The following SORBS2 variants were observed in gnomAD, a reference collection of about 807,000 sequenced individuals.
SORBS2 encodes sorbin and SH3 domain containing 2.
A neutral mutation model predicts 97.7 loss-of-function variants in SORBS2; 46 were observed. That is an observed-to-expected ratio of 0.47 (90% CI 0.37 to 0.60). The LOEUF is 0.60. Among genes scored for constraint, SORBS2 ranks in the 20% least tolerant of loss-of-function variants. The pLI, the probability that SORBS2 is intolerant of heterozygous loss-of-function variation, is 0.00. For synonymous variants in SORBS2, 476 were observed against 473.4 expected (o/e 1.01, Z -0.07); for missense variants, 1,316 against 1,282.3 (o/e 1.03, Z -0.40).
chr4:185,854,493 A>G (rs927597743), intron 1 of SORBS2, among the ~76,000 whole-genome samples: 3 of 152,212 alleles, frequency 2.0e-5, no homozygotes, highest in Non-Finnish European at 4.4e-5. Context: ...TGTAATTCAC[A>G]TATGGGATAT....
chr4:185,759,996 G>A (rs955539472), intron 2 of SORBS2, among the ~76,000 whole-genome samples: 3 of 152,064 alleles, frequency 2.0e-5, no homozygotes, highest in Admixed American at 6.6e-5. Flanking sequence ...AATTTCCATC[G>A]TAGACTCCAC....
intron 2 of SORBS2, among the ~76,000 whole-genome samples, chr4:185,710,605 A>G (rs1244896120): frequency 6.6e-6 from 1 of 152,166 alleles, no homozygotes; most frequent in Admixed American, 6.5e-5. Context: ...TGTTATGGTC[A>G]TTAGATTCTA....
At chr4:185,626,893 T>C in exon 6 of SORBS2, 1 of 1,614,250 alleles carries the variant, frequency 6.2e-7, no homozygotes, top group South Asian at 1.1e-5. Flanking sequence ...GAGTGGTGCT[T>C]GATCCTGGGA....
At chr4:185,780,007 ATTTTTTT>A (rs538693770) in intron 1 of SORBS2, among the ~76,000 whole-genome samples, 83 of 98,116 alleles carry the variant, frequency 8.5e-4, no homozygotes, top group African/African-American at 2.8e-3. Context: ...GTAGAGTAAC[ATTTTTTT>A]TTTTTTTTTT....
At position 185,793,730 on chromosome 4, in the gene SORBS2, G is replaced by A. The variant is rs556886021; in HGVS notation, c.-337-18364C>T. Among the ~76,000 whole-genome samples the A allele has an allele frequency of 2.6e-5, 4 of 152,198 alleles. No individual in the cohort carries two copies. In the South Asian group the frequency reaches 8.3e-4, roughly 32 times the overall value. On this transcript the variant is annotated intron_variant, in intron 1 of 20. Transcript: ENST00000284776. Reference sequence around the variant, plus strand: ...GGGGATTTTTTTTATTGATGATGAAGTTATTATGGACTGAGAGCCAGTTAT... The same window carrying A: ...GGGGATTTTTTTTATTGATGATGAAATTATTATGGACTGAGAGCCAGTTAT...
chr4:185,887,846 T>C (rs1370565026), intron 1 of SORBS2, among the ~76,000 whole-genome samples: 1 of 152,130 alleles, frequency 6.6e-6, no homozygotes, highest in Non-Finnish European at 1.5e-5. Context: ...CAATTTATTA[T>C]CTGTAATTTT....
At chr4:185,761,585 T>C (rs963773900) in intron 2 of SORBS2, 1 of 152,220 alleles carries the variant, frequency 6.6e-6, no homozygotes, top group African/African-American at 2.4e-5. Flanking sequence ...AAATGATTGT[T>C]GTGCTTATTA....
rs1554199361 is a variant in SORBS2, at chr4:185,709,304, C to CCTTTTTTTTTTTTTTTTTTTTTTTTT, written c.-197-30483_-197-30482insAAAAAAAAAAAAAAAAAAAAAAAAAG. On this transcript the variant is annotated intron_variant, in intron 2 of 20. Coordinates refer to the SORBS2 transcript ENST00000284776. ...GCATGAGCCGCTGTGCTGGCCAAAT[C>CCTTTTTTTTTTTTTTTTTTTTTTTTT]TTTTTTTTTTTTTTTTTTTTAGTAA... Among the ~76,000 whole-genome samples the CCTTTTTTTTTTTTTTTTTTTTTTTTT allele has an allele frequency of 1.1e-4, 11 of 96,774 alleles. 3 individuals carry two copies. Among genetic ancestry groups the CCTTTTTTTTTTTTTTTTTTTTTTTTT allele is most frequent in the Non-Finnish European group, 1.4e-4 (7 of 49,226 alleles). 63.5% of individuals were successfully genotyped at this position (96,774 alleles called of 152,430 possible).
chr4:185,660,774 C>A (rs1199510485), upstream of SORBS2, among the ~76,000 whole-genome samples: 6 of 152,082 alleles, frequency 3.9e-5, no homozygotes, highest in East Asian at 1.2e-3. Context: ...GTTGCTGGCC[C>A]CTGTGGCCAG....
chr4:185,796,920 G>T (rs1479233857), intron 1 of SORBS2, among the ~76,000 whole-genome samples: 1 of 145,364 alleles, frequency 6.9e-6, no homozygotes, highest in African/African-American at 2.6e-5. Flanking sequence ...CTGTGGCCAC[G>T]CTGTTCCCTG....
intron 1 of SORBS2, among the ~76,000 whole-genome samples, chr4:185,879,170 C>CCCT (rs2099235441): frequency 3.0e-5 from 3 of 98,756 alleles, no homozygotes; most frequent in African/African-American, 1.4e-4. Flanking sequence ...ATCCCTCCCC[C>CCCT]CCCCCCACCC....
intron 9 of SORBS2, among the ~76,000 whole-genome samples, chr4:185,618,172 G>C (rs1321586362): frequency 3.9e-5 from 6 of 152,000 alleles, no homozygotes; most frequent in Non-Finnish European, 8.8e-5. Flanking sequence ...ACATGGTTTT[G>C]CCATGTTGCC....
At chr4:185,817,157 T>C (rs973912495) in intron 1 of SORBS2, among the ~76,000 whole-genome samples, 9 of 152,054 alleles carry the variant, frequency 5.9e-5, no homozygotes, top group African/African-American at 2.2e-4. Context: ...GTAAAATGTG[T>C]GTTAATATGT....
chr4:185,951,244 A>T (rs1265514795), intron 1 of SORBS2, among the ~76,000 whole-genome samples: 1 of 152,212 alleles, frequency 6.6e-6, no homozygotes, highest in Non-Finnish European at 1.5e-5. Flanking sequence ...TTCTCAGTCC[A>T]TACAAGCATT....
chr4:185,690,255 T>G (rs1016824798), intron 2 of SORBS2, among the ~76,000 whole-genome samples: 1 of 152,220 alleles, frequency 6.6e-6, no homozygotes, highest in African/African-American at 2.4e-5. Flanking sequence ...TATTTTTAAG[T>G]GAGAGATTTC....
At chr4:185,673,572 A>G (rs2097752277) in intron 4 of SORBS2, among the ~76,000 whole-genome samples, 1 of 152,246 alleles carries the variant, frequency 6.6e-6, no homozygotes, top group South Asian at 2.1e-4. Context: ...AAGAATTACC[A>G]TGAAGCAGGC....
intron 1 of SORBS2, among the ~76,000 whole-genome samples, chr4:185,785,827 G>A (rs776080002): frequency 1.3e-5 from 2 of 152,128 alleles, no homozygotes; most frequent in Non-Finnish European, 1.5e-5. Flanking sequence ...GTACTTCCTC[G>A]AATTAGCTCC....
intron 13 of SORBS2, among the ~76,000 whole-genome samples, chr4:185,590,856 G>A (rs763025202): frequency 3.3e-5 from 5 of 152,124 alleles, no homozygotes; most frequent in Admixed American, 6.5e-5. Flanking sequence ...AATATTACCA[G>A]TACTGTGAGG....
chr4:185,759,822 G>A (rs989951836), intron 2 of SORBS2, among the ~76,000 whole-genome samples: 3 of 152,094 alleles, frequency 2.0e-5, no homozygotes, highest in Non-Finnish European at 4.4e-5. Context: ...TGCTCTCATG[G>A]TCTTATGTTA....
Sources: gnomAD v4.1 joint callset for allele counts (sites outside exome capture counted in the v4.1 genomes callset) on GRCh38, gnomAD v4.1.1 for gene constraint, MANE v1.5 for transcripts, NCBI Gene and HGNC (gene_info 2026-07-23, HGNC 2026-07-21) for gene names.